PPFIA1: variants seen among roughly 807,000 people sequenced by gnomAD.
PPFIA1 encodes liprin-alpha-1.
Under a neutral mutation model 149.9 loss-of-function variants are expected in PPFIA1, and 25 were observed. The ratio of observed to expected loss-of-function variants is 0.17; its 90% CI spans 0.12 to 0.23. PPFIA1 has a LOEUF of 0.23. PPFIA1 is among the 10% of genes least tolerant of loss of function. The pLI is 1.00. For synonymous variants in PPFIA1, 549 were observed against 552.8 expected, an observed-to-expected ratio of 0.99 and a Z score of 0.10; for missense variants, 1,362 against 1,506.5, an observed-to-expected ratio of 0.90 and a Z score of 1.59.
intron 11 of PPFIA1, among the ~76,000 whole-genome samples, chr11:70,336,689 A>G (rs1331793487): frequency 6.6e-6 from 1 of 152,150 alleles, no homozygotes; most frequent in Non-Finnish European, 1.5e-5. Flanking sequence ...TCATGGAAAC[A>G]TGTTAGCTGT....
chr11:70,334,561 AG>A (rs2136987119), intron 10 of PPFIA1: 1 of 152,344 alleles, frequency 6.6e-6, no homozygotes, highest in East Asian at 1.9e-4. Flanking sequence ...AGCACAAAGA[AG>A]GATATTGTTT....
chr11:70,285,294 G>A (rs978983870), intron 2 of PPFIA1, among the ~76,000 whole-genome samples: 2 of 152,124 alleles, frequency 1.3e-5, no homozygotes, highest in African/African-American at 2.4e-5. Flanking sequence ...TGGATAATGA[G>A]CTGGGGATGG....
intron 17 of PPFIA1, among the ~76,000 whole-genome samples, 153 bp downstream of exon 17, chr11:70,354,605 T>C (rs953090783): frequency 1.1e-4 from 16 of 152,276 alleles, no homozygotes; most frequent in African/African-American, 3.4e-4. Flanking sequence ...CTTAGAATGC[T>C]TACCACTGCT....
chr11:70,370,298 TTTTTCTG>T (rs2057166131), intron 21 of PPFIA1, among the ~76,000 whole-genome samples: 1 of 152,158 alleles, frequency 6.6e-6, no homozygotes, highest in African/African-American at 2.4e-5. Flanking sequence ...TTTGCTGTTA[TTTTTCTG>T]TTTTCTGTTT....
intron 2 of PPFIA1, among the ~76,000 whole-genome samples, chr11:70,310,869 A>G (rs1370476414): frequency 2.6e-5 from 4 of 152,158 alleles, no homozygotes; most frequent in Non-Finnish European, 4.4e-5. Flanking sequence ...TTTGCCGTCC[A>G]TCCACAGGCC....
At chr11:70,325,060 G>A (rs762192855) in intron 4 of PPFIA1, 49 bp downstream of exon 4, 15 of 1,495,644 alleles carry the variant, frequency 1.0e-5, no homozygotes, top group Non-Finnish European at 1.2e-5. Flanking sequence ...TGTGTATTAG[G>A]CCAGCTTCAC....
At position 70,383,428 on chromosome 11, in the gene PPFIA1, G is replaced by A. The variant is rs1166043502; in HGVS notation, c.*438G>A. 4 of 177,298 alleles carry A rather than the reference G, an allele frequency of 2.3e-5. No individual in the cohort carries two copies. The highest frequency in any genetic ancestry group is 7.2e-5 in the African/African-American group (3 of 41,520). The allele number at this position is 177,298 out of a possible 1,614,324, so 11.0% of individuals were successfully genotyped here. A position where few individuals can be genotyped will look rare whatever the true frequency, so the allele number is the denominator to read the frequency against. Reference sequence around the variant, plus strand: ...GATAAACCATGACAAAGGATTTTACGTTTATAAAATTATGACAGAAGCCAT... The same window carrying A: ...GATAAACCATGACAAAGGATTTTACATTTATAAAATTATGACAGAAGCCAT... On this transcript the variant is annotated 3_prime_UTR_variant, in exon 28 of 28. Transcript: ENST00000253925.
intron 2 of PPFIA1, among the ~76,000 whole-genome samples, chr11:70,314,839 G>T (rs571009474): frequency 6.6e-6 from 1 of 152,284 alleles, no homozygotes; most frequent in African/African-American, 2.4e-5. Flanking sequence ...ACCAAGACTG[G>T]GTAATTCATA....
intron 26 of PPFIA1, 167 bp downstream of exon 26, chr11:70,378,362 A>G (rs1308157690): frequency 1.5e-6 from 2 of 1,310,476 alleles, no homozygotes; most frequent in Non-Finnish European, 1.9e-6. Flanking sequence ...ACATTTGTTT[A>G]TAAAAGTTTA....
chr11:70,367,061 C>T (rs899107404), intron 21 of PPFIA1, among the ~76,000 whole-genome samples: 58 of 152,150 alleles, frequency 3.8e-4, no homozygotes, highest in Non-Finnish European at 7.8e-4. Flanking sequence ...GTATATTTTC[C>T]ACCAAGGAGC....
intron 2 of PPFIA1, among the ~76,000 whole-genome samples, chr11:70,313,936 T>C (rs2053441948): frequency 6.6e-6 from 1 of 152,266 alleles, no homozygotes; most frequent in East Asian, 1.9e-4. Context: ...GAGAATCACC[T>C]GAGCCTAGGA....
intron 8 of PPFIA1, 133 bp downstream of exon 8, chr11:70,330,452 A>G: frequency 1.4e-6 from 1 of 727,122 alleles, no homozygotes; most frequent in Non-Finnish European, 2.0e-6. Context: ...ATTATGTTCA[A>G]GACATGTGGG....
intron 16 of PPFIA1, among the ~76,000 whole-genome samples, chr11:70,349,474 A>C (rs1373208782): frequency 6.6e-6 from 1 of 152,204 alleles, no homozygotes; most frequent in African/African-American, 2.4e-5. Context: ...TTTATCTAAA[A>C]AAAAACCAAA....
intron 2 of PPFIA1, among the ~76,000 whole-genome samples, chr11:70,313,913 G>A (rs900783991): frequency 6.6e-6 from 1 of 152,278 alleles, no homozygotes; most frequent in East Asian, 1.9e-4. Flanking sequence ...AGATACTTGG[G>A]AGACTGAGGC....
intron 19 of PPFIA1, among the ~76,000 whole-genome samples, chr11:70,357,647 C>T (rs895121460): frequency 6.0e-5 from 9 of 149,578 alleles, no homozygotes; most frequent in African/African-American, 1.5e-4. Context: ...AGTGCAGTGG[C>T]GCAATCTCAG....
chr11:70,307,271 C>T (rs2136447208), intron 2 of PPFIA1, among the ~76,000 whole-genome samples: 1 of 152,266 alleles, frequency 6.6e-6, no homozygotes, highest in South Asian at 2.1e-4. Context: ...CAAGGTTATT[C>T]ATTGCCATAT....
chr11:70,286,730 T>A (rs1398679966), intron 2 of PPFIA1, among the ~76,000 whole-genome samples: 3 of 151,732 alleles, frequency 2.0e-5, no homozygotes, highest in Non-Finnish European at 4.4e-5. Flanking sequence ...TTATCCCTTT[T>A]TGCAGCAAGA....
At chr11:70,295,307 T>C (rs551967033) in intron 2 of PPFIA1, among the ~76,000 whole-genome samples, 1,761 of 77,552 alleles carry the variant, frequency 0.023, 286 homozygotes, top group African/African-American at 0.14. Flanking sequence ...CCCTCCCGGA[T>C]GGGGCGGCTG....
chr11:70,289,078 C>T (rs1409002633), intron 2 of PPFIA1, among the ~76,000 whole-genome samples: 2 of 151,486 alleles, frequency 1.3e-5, no homozygotes, highest in African/African-American at 4.9e-5. Context: ...AGCAATTCTC[C>T]TGCCTCACTC....
Sources: gnomAD v4.1 joint callset for allele counts (sites outside exome capture counted in the v4.1 genomes callset) on GRCh38, gnomAD v4.1.1 for gene constraint, MANE v1.5 for transcripts, NCBI Gene and HGNC (gene_info 2026-07-23, HGNC 2026-07-21) for gene names.